The following PRR5 variants were observed in gnomAD, a reference collection of about 807,000 sequenced individuals.
PRR5 encodes the protein proline-rich protein 5.
PRR5 carries 25 observed loss-of-function variants against 30.6 expected under a neutral mutation model. The ratio of observed to expected loss-of-function variants is 0.82; its 90% CI spans 0.60 to 1.14. The LOEUF (loss-of-function observed/expected upper bound fraction) is 1.14. Among genes scored for constraint, PRR5 ranks in the 50% most tolerant of loss-of-function variants. The pLI is 0.00. For synonymous variants in PRR5, 286 were observed against 247.1 expected, an observed-to-expected ratio of 1.16 and a Z score of -1.48; for missense variants, 600 against 547.1, an observed-to-expected ratio of 1.10 and a Z score of -0.96.
chr22:44,676,541 C>T (rs983222593), upstream of PRR5, among the ~76,000 whole-genome samples: 1 of 151,830 alleles, frequency 6.6e-6, no homozygotes, highest in Non-Finnish European at 1.5e-5. Context: ...CTAAAGGAGG[C>T]GGCAATGGCC....
intron 1 of PRR5, among the ~76,000 whole-genome samples, chr22:44,670,841 C>T (rs1343939377): frequency 2.0e-5 from 3 of 151,950 alleles, no homozygotes; most frequent in African/African-American, 7.3e-5. Flanking sequence ...GGGTGGGTGA[C>T]GAGAAGGAAA....
At chr22:44,730,426 C>T (rs529899094) in intron 4 of PRR5, 1 of 985,284 alleles carries the variant, frequency 1.0e-6, no homozygotes, top group East Asian at 1.1e-4. Context: ...CAGCTCCGCT[C>T]AGTCCAGGCA....
Position 44,702,441 on chromosome 22 carries a change from G to C in PRR5, c.-34G>C. 1 of 1,297,196 alleles carries C rather than the reference G, an allele frequency of 7.7e-7. No individual in the cohort carries two copies. Among genetic ancestry groups the C allele is most frequent in the Non-Finnish European group, 9.8e-7 (1 of 1,019,900 alleles). 80.4% of individuals were successfully genotyped at this position (1,297,196 alleles called of 1,614,324 possible). A position where few individuals can be genotyped will look rare whatever the true frequency, so the allele number is the denominator to read the frequency against. On this transcript the variant is annotated 5_prime_UTR_variant, in exon 1 of 8. Coordinates refer to ENST00000336985, the MANE Select transcript of PRR5 (RefSeq NM_181333.4). ...CGTGGCGCAGGGCGCGGCGTGGGGCGCGCGTGGGCGCGGCGCAGGCGGCCC... is the reference window on the plus strand; with the variant it reads ...CGTGGCGCAGGGCGCGGCGTGGGGCCCGCGTGGGCGCGGCGCAGGCGGCCC...
upstream of PRR5, among the ~76,000 whole-genome samples, chr22:44,673,733 C>T (rs1192350951): frequency 6.6e-6 from 1 of 152,206 alleles, no homozygotes; most frequent in East Asian, 1.9e-4. Flanking sequence ...AAATAGACCC[C>T]CTGTGGAAAG....
At chr22:44,712,679 G>A (rs1034970642) in intron 1 of PRR5, among the ~76,000 whole-genome samples, 1 of 152,228 alleles carries the variant, frequency 6.6e-6, no homozygotes, top group African/African-American at 2.4e-5. Flanking sequence ...TAGGAGCATG[G>A]TGGCAGCTGC....
At chr22:44,699,794 A>G (rs1601981284), upstream of PRR5, among the ~76,000 whole-genome samples, 1 of 152,116 alleles carries the variant, frequency 6.6e-6, no homozygotes, top group Admixed American at 6.6e-5. Flanking sequence ...CAGGGGAGGG[A>G]CCCGCAGCTG....
Position 44,737,033 on chromosome 22 carries a change from G to A in PRR5, c.953G>A (p.Cys318Tyr), listed in dbSNP as rs755944988. 6.2e-7 allele frequency: 1 copy of A among 1,603,370 alleles called. No individual in the cohort carries two copies. Among genetic ancestry groups the A allele is most frequent in the Non-Finnish European group, 8.5e-7 (1 of 1,175,018 alleles). ...TCCCCGGCGCCCCACTCAGGGCCCT[G>A]CCCCAGCAGACTGTACCCCACGACC... The part of the protein sequence containing the change: ...RSSPAPHSGP[C>Y]PSRLYPTTQP... The change falls in exon 8 of 8, where the codon TGC becomes TAC. Residue 318 changes from cysteine (C) to tyrosine (Y), a missense_variant. By Grantham distance (194) the Cys-to-Tyr change is radical. Transcript: ENST00000336985.
Position 44,736,763 on chromosome 22 carries a change from T to C in PRR5, c.692-9T>C. ...CCTCTGGTGTGACAGTGCCCGTGTCTCTCCCCAGAAAAGCGCCTCCTCCGC... is the reference window on the plus strand; with the variant it reads ...CCTCTGGTGTGACAGTGCCCGTGTCCCTCCCCAGAAAAGCGCCTCCTCCGC... On this transcript the variant is annotated splice_polypyrimidine_tract_variant and intron_variant, in intron 7 of 7. Transcript: ENST00000336985. The C allele has an allele frequency of 6.5e-7, 1 of 1,533,112 alleles. No homozygotes were observed. The highest frequency in any genetic ancestry group is 8.8e-7 in the Non-Finnish European group (1 of 1,136,750). The allele number at this position is 1,533,112 out of a possible 1,614,324, so 95.0% of individuals were successfully genotyped here.
chr22:44,714,220 C>T (rs1463283726), intron 1 of PRR5, among the ~76,000 whole-genome samples: 2 of 152,148 alleles, frequency 1.3e-5, no homozygotes, highest in African/African-American at 4.8e-5. Context: ...AGAGAAGGGG[C>T]AACAGTCCAC....
At chr22:44,692,966 C>T (rs1017709364) in intron 1 of PRR5, among the ~76,000 whole-genome samples, 2 of 152,144 alleles carry the variant, frequency 1.3e-5, no homozygotes, top group African/African-American at 2.4e-5. Flanking sequence ...TGTTTTTCCC[C>T]TAAAGAAAGC....
intron 1 of PRR5, among the ~76,000 whole-genome samples, chr22:44,685,553 C>A (rs553470124): frequency 6.8e-6 from 1 of 147,366 alleles, no homozygotes; most frequent in Non-Finnish European, 1.5e-5. Flanking sequence ...ACACCCCTCT[C>A]GCCAGTGAAA....
chr22:44,687,016 G>C (rs1277610164), intron 1 of PRR5, among the ~76,000 whole-genome samples: 4 of 152,178 alleles, frequency 2.6e-5, no homozygotes. Flanking sequence ...TGGTATGTGT[G>C]GTGTTTGCTT....
Position 44,737,461 on chromosome 22 carries a change from G to T in PRR5, c.*214G>T, listed in dbSNP as rs1463232908. ...AGGTCTGTTTCAGGCATCTGAGTCG[G>T]CGTTTACCCAGGGGCCGGGCCAGAG... On this transcript the variant is annotated 3_prime_UTR_variant, in exon 8 of 8. Coordinates refer to ENST00000336985, the MANE Select transcript of PRR5 (RefSeq NM_181333.4). 3.8e-6 allele frequency: 4 copies of T among 1,046,318 alleles called. No homozygotes were observed. The highest frequency in any genetic ancestry group is 5.2e-6 in the Non-Finnish European group (4 of 766,352). 64.8% of individuals were successfully genotyped at this position (1,046,318 alleles called of 1,614,324 possible). A position where few individuals can be genotyped will look rare whatever the true frequency, so the allele number is the denominator to read the frequency against.
intron 2 of PRR5, among the ~76,000 whole-genome samples, chr22:44,716,146 G>A (rs757589913): frequency 6.6e-6 from 1 of 152,186 alleles, no homozygotes; most frequent in Non-Finnish European, 1.5e-5. Context: ...GTGTGCTGGG[G>A]GTGGGGGCAC....
chr22:44,724,693 T>C (rs1251202468), intron 2 of PRR5, among the ~76,000 whole-genome samples: 1 of 152,148 alleles, frequency 6.6e-6, no homozygotes, highest in Non-Finnish European at 1.5e-5. Context: ...GCGTGTCCCA[T>C]GTGGACCTGG....
intron 5 of PRR5, 127 bp downstream of exon 5, chr22:44,731,948 TG>T (rs1178307877): frequency 1.9e-6 from 2 of 1,056,266 alleles, no homozygotes; most frequent in African/African-American, 3.2e-5. Context: ...CTGCTCTCCT[TG>T]GGCTACCTGA....
chr22:44,723,023 T>G (rs974370900), intron 2 of PRR5, among the ~76,000 whole-genome samples: 1 of 151,092 alleles, frequency 6.6e-6, no homozygotes, highest in African/African-American at 2.4e-5. Context: ...ACTCGCTCTG[T>G]CACCCAGGCT....
chr22:44,727,347 AG>A (rs1186647908), intron 4 of PRR5, among the ~76,000 whole-genome samples: 5 of 151,978 alleles, frequency 3.3e-5, no homozygotes, highest in Non-Finnish European at 5.9e-5. Context: ...GGGTCAGGTG[AG>A]GGGGTCCACT....
intron 2 of PRR5, among the ~76,000 whole-genome samples, chr22:44,723,685 A>G (rs1267689678): frequency 6.6e-6 from 1 of 152,190 alleles, no homozygotes; most frequent in Non-Finnish European, 1.5e-5. Flanking sequence ...GCACCACTGC[A>G]CTCCAGCCTG....
Sources: allele counts gnomAD v4.1 joint callset (sites outside exome capture counted in the v4.1 genomes callset), GRCh38; gene constraint gnomAD v4.1.1; transcripts MANE v1.5; gene names NCBI Gene and HGNC (gene_info 2026-07-23, HGNC 2026-07-21).